The following KCNIP4 variants were observed in gnomAD, a reference collection of about 807,000 sequenced individuals.
KCNIP4 encodes the protein Kv channel-interacting protein 4.
A neutral mutation model predicts 34.0 loss-of-function variants in KCNIP4; 12 were observed. That is an observed-to-expected ratio of 0.35 (90% confidence interval 0.23 to 0.57). The LOEUF (loss-of-function observed/expected upper bound fraction) is 0.57. Among genes scored for constraint, KCNIP4 ranks in the 20% least tolerant of loss-of-function variants. KCNIP4 has a pLI of 0.83. For synonymous variants in KCNIP4, 124 were observed against 102.2 expected, an observed-to-expected ratio of 1.21 and a Z score of -1.29; for missense variants, 238 against 311.7, an observed-to-expected ratio of 0.76 and a Z score of 1.78.
intron 3 of KCNIP4, among the ~76,000 whole-genome samples, chr4:20,802,042 A>C (rs555290412): frequency 3.3e-5 from 5 of 151,318 alleles, no homozygotes; most frequent in African/African-American, 1.2e-4. Context: ...GAAGGTAATT[A>C]TTTAATGATA....
intron 1 of KCNIP4, among the ~76,000 whole-genome samples, chr4:21,033,600 G>A (rs1577569671): frequency 6.6e-6 from 1 of 152,080 alleles, no homozygotes; most frequent in Non-Finnish European, 1.5e-5. Flanking sequence ...ATGAAAGTAT[G>A]AACATGGAAT....
chr4:21,377,972 C>T (rs1392708801), intron 1 of KCNIP4, among the ~76,000 whole-genome samples: 10 of 152,076 alleles, frequency 6.6e-5, no homozygotes, highest in Non-Finnish European at 1.2e-4. Flanking sequence ...GTGGTGGTGG[C>T]GGGTACTTGC....
intron 1 of KCNIP4, among the ~76,000 whole-genome samples, chr4:21,123,174 A>G (rs1231478267): frequency 6.6e-6 from 1 of 151,906 alleles, no homozygotes; most frequent in Non-Finnish European, 1.5e-5. Flanking sequence ...AGATCGTGCC[A>G]CTGCACTCCA....
At chr4:21,253,953 C>T (rs1330376519) in intron 1 of KCNIP4, among the ~76,000 whole-genome samples, 3 of 152,132 alleles carry the variant, frequency 2.0e-5, no homozygotes, top group Non-Finnish European at 4.4e-5. Context: ...CACAAAAGGT[C>T]ACAGGTTGTG....
At chr4:20,918,695 C>G (rs1336522775) in intron 1 of KCNIP4, among the ~76,000 whole-genome samples, 1 of 152,166 alleles carries the variant, frequency 6.6e-6, no homozygotes, top group Admixed American at 6.5e-5. Flanking sequence ...CTGCCCTCTT[C>G]TCCTTTCCTC....
At chr4:21,166,044 G>T (rs1363117611) in intron 1 of KCNIP4, among the ~76,000 whole-genome samples, 1 of 152,090 alleles carries the variant, frequency 6.6e-6, no homozygotes, top group Middle Eastern at 3.2e-3. Context: ...CACTGAACCT[G>T]CAGACACCTT....
intron 1 of KCNIP4, among the ~76,000 whole-genome samples, chr4:21,116,140 G>A (rs78768337): frequency 6.6e-6 from 1 of 152,064 alleles, no homozygotes; most frequent in East Asian, 1.9e-4. Flanking sequence ...CTTCGTCAAA[G>A]TCTATCTATT....
intron 1 of KCNIP4, among the ~76,000 whole-genome samples, chr4:20,995,819 T>C (rs1737503915): frequency 6.6e-6 from 1 of 152,140 alleles, no homozygotes; most frequent in South Asian, 2.1e-4. Flanking sequence ...CCATGCAAAA[T>C]ATGCAAGGGA....
chr4:21,106,906 T>C (rs1206693538), intron 1 of KCNIP4, among the ~76,000 whole-genome samples: 1 of 151,470 alleles, frequency 6.6e-6, no homozygotes, highest in Admixed American at 6.6e-5. Flanking sequence ...AGTTGAGCAG[T>C]TTTGAGTGAG....
At chr4:21,716,791 T>C (rs1158031090) in intron 1 of KCNIP4, among the ~76,000 whole-genome samples, 2 of 152,190 alleles carry the variant, frequency 1.3e-5, no homozygotes, top group Non-Finnish European at 2.9e-5. Context: ...AGGGAACAAA[T>C]GGCTGTGACC....
intron 1 of KCNIP4, among the ~76,000 whole-genome samples, chr4:21,652,046 G>A (rs1444954596): frequency 3.3e-5 from 5 of 152,226 alleles, no homozygotes; most frequent in South Asian, 2.1e-4. Context: ...CCGACATTGC[G>A]AAGTTCCAAC....
At position 21,446,838 on chromosome 4, in the gene KCNIP4, T is replaced by G. The variant is rs540389215; in HGVS notation, c.61+501733A>C. Among the ~76,000 whole-genome samples, 27 of 152,234 alleles carry G rather than the reference T, an allele frequency of 1.8e-4. No homozygotes were observed. In the South Asian group the frequency reaches 1.9e-3, roughly 11 times the overall value. On this transcript the variant is annotated intron_variant, in intron 1 of 8. Transcript: ENST00000382152. Reference sequence around the variant, plus strand: ...GCATATTGCATTTGAAAGTTATATATGTTATTGGGTATATTAATAGTTCAT... The same window carrying G: ...GCATATTGCATTTGAAAGTTATATAGGTTATTGGGTATATTAATAGTTCAT...
At chr4:21,731,332 T>C (rs1001445308) in intron 1 of KCNIP4, among the ~76,000 whole-genome samples, 2 of 152,090 alleles carry the variant, frequency 1.3e-5, no homozygotes, top group African/African-American at 4.8e-5. Context: ...ACAAACGATA[T>C]AGCAGATTTC....
intron 8 of KCNIP4, 99 bp downstream of exon 8, chr4:20,731,907 G>C (rs1748351786): frequency 6.5e-7 from 1 of 1,531,606 alleles, no homozygotes; most frequent in Non-Finnish European, 8.8e-7. Flanking sequence ...TTAGGCATAT[G>C]ATCTCTATAT....
At chr4:21,237,871 T>C (rs897068099) in intron 1 of KCNIP4, among the ~76,000 whole-genome samples, 16 of 152,132 alleles carry the variant, frequency 1.1e-4, no homozygotes, top group Non-Finnish European at 2.1e-4. Context: ...CCTCCCTAAT[T>C]CATTTTATGA....
At chr4:21,420,916 T>C (rs1725398627) in intron 1 of KCNIP4, among the ~76,000 whole-genome samples, 1 of 152,148 alleles carries the variant, frequency 6.6e-6, no homozygotes, top group Admixed American at 6.5e-5. Flanking sequence ...ATCACAAATA[T>C]ATAAGAAATT....
At chr4:21,041,803 A>T (rs1312267284) in intron 1 of KCNIP4, among the ~76,000 whole-genome samples, 1 of 152,198 alleles carries the variant, frequency 6.6e-6, no homozygotes, top group Non-Finnish European at 1.5e-5. Flanking sequence ...CTGGGAGGCA[A>T]ATATTATTTA....
At chr4:21,893,812 G>A (rs1727235428) in intron 1 of KCNIP4, among the ~76,000 whole-genome samples, 1 of 152,204 alleles carries the variant, frequency 6.6e-6, no homozygotes, top group Admixed American at 6.5e-5. Context: ...TAGTTGCATG[G>A]TATTTTTATT....
intron 1 of KCNIP4, among the ~76,000 whole-genome samples, chr4:21,744,792 C>T (rs1716661769): frequency 6.6e-6 from 1 of 152,138 alleles, no homozygotes; most frequent in South Asian, 2.1e-4. Context: ...ATCAACATAC[C>T]TTGTAAGTCA....
Sources: gnomAD v4.1 joint callset for allele counts (sites outside exome capture counted in the v4.1 genomes callset) on GRCh38, gnomAD v4.1.1 for gene constraint, MANE v1.5 for transcripts, NCBI Gene and HGNC (gene_info 2026-07-23, HGNC 2026-07-21) for gene names.